FBXO22: variants seen among roughly 807,000 people sequenced by gnomAD.
FBXO22 encodes the protein F-box protein 22.
Under a neutral mutation model 37.2 loss-of-function variants are expected in FBXO22, and 13 were observed. That is an observed-to-expected ratio of 0.35 (90% CI 0.23 to 0.56). The LOEUF is 0.56. Among genes scored for constraint, FBXO22 ranks in the 20% least tolerant of loss-of-function variants. The probability of loss-of-function intolerance (pLI) is 0.87; values close to 1 mark genes in which losing one functional copy is unlikely to be tolerated. For missense variants in FBXO22, 446 were observed against 509.9 expected (o/e 0.87, Z 1.21); for synonymous variants, 189 against 189.1 (o/e 1.00, Z 0.00).
At chr15:75,926,145 C>G (rs1256498663) in intron 5 of FBXO22, among the ~76,000 whole-genome samples, 3 of 152,192 alleles carry the variant, frequency 2.0e-5, no homozygotes, top group Admixed American at 6.5e-5. Context: ...TAAGCTCCTG[C>G]TAATGTATCA....
intron 6 of FBXO22, chr15:75,930,900 GTTATAGTCTCTC>G (rs1343721774): frequency 1.0e-6 from 1 of 956,452 alleles, no homozygotes; most frequent in African/African-American, 1.8e-5. Context: ...AGTCATCCTA[GTTATAGTCTCTC>G]TTCTGGTTAT....
intron 6 of FBXO22, 110 bp downstream of exon 6, chr15:75,930,159 A>C: frequency 6.4e-7 from 1 of 1,562,782 alleles, no homozygotes; most frequent in Non-Finnish European, 8.7e-7. Flanking sequence ...TTATTAAGAT[A>C]ATAGTTCATT....
chr15:75,934,247 T>C lies in FBXO22; in HGVS notation c.*1145T>C, dbSNP rs1191437946. On this transcript the variant is annotated 3_prime_UTR_variant, in exon 7 of 7. Coordinates refer to ENST00000308275, the MANE Select transcript of FBXO22 (RefSeq NM_147188.3). ...GGAATGTGGATCTGGTAGTGAGCCA[T>C]CTTGGACCCTGAAGAGGAGGCAACA... The C allele has an allele frequency of 1.3e-5, 2 of 152,246 alleles. No homozygotes were observed. The highest frequency in any genetic ancestry group is 2.4e-5 in the African/African-American group (1 of 41,438). The allele number at this position is 152,246 out of a possible 1,614,324, so 9.4% of individuals were successfully genotyped here.
At position 75,904,051 on chromosome 15, in the gene FBXO22, G is replaced by A. The variant is rs758445817; in HGVS notation, c.88G>A (p.Val30Met). 1 of 1,560,304 alleles carries A rather than the reference G, an allele frequency of 6.4e-7. No homozygotes were observed. Among genetic ancestry groups the A allele is most frequent in the East Asian group, 2.4e-5 (1 of 42,154 alleles). Residue 30 changes from valine (V) to methionine (M), a missense_variant, in exon 1 of 7, where the codon GTG becomes ATG. Val to Met is a conservative substitution (Grantham distance 21). Around this residue, in one of 2 missense-constraint regions of FBXO22, gnomAD observed 131 missense variants for 99.8 expected, o/e 1.31. Transcript: ENST00000308275. Reference protein sequence around the residue: ...TFVLSNLAEVVERVLTFLPAK... With the variant: ...TFVLSNLAEVMERVLTFLPAK... ...CGTGTTGAGTAACCTGGCGGAGGTG[G>A]TGGAGCGTGTGCTCACCTTCCTGCC...
intron 6 of FBXO22, chr15:75,930,894 A>T (rs1015808510): frequency 1.0e-6 from 1 of 963,474 alleles, no homozygotes; most frequent in Non-Finnish European, 1.2e-6. Flanking sequence ...AATGTAAGTC[A>T]TCCTAGTTAT....
In FBXO22 at chr15:75,938,886, AAAG is replaced by A. The variant is rs2030653134; in HGVS notation, c.*5790_*5792del. On this transcript the variant is annotated 3_prime_UTR_variant, in exon 7 of 7. Coordinates refer to ENST00000308275, the MANE Select transcript of FBXO22 (RefSeq NM_147188.3). Reference sequence around the variant, plus strand: ...AAACAAAACACTCAACCAATGGGTCAAAGAAGAAATCACAAGGGAAATTAAAAA... The same window carrying A: ...AAACAAAACACTCAACCAATGGGTCAAAGAAATCACAAGGGAAATTAAAAA... 1 of 152,210 alleles carries A rather than the reference AAAG, an allele frequency of 6.6e-6. No homozygotes were observed. The highest frequency in any genetic ancestry group is 2.4e-5 in the African/African-American group (1 of 41,454). The allele number at this position is 152,210 out of a possible 1,614,324, so 9.4% of individuals were successfully genotyped here. A position where few individuals can be genotyped will look rare whatever the true frequency, so the allele number is the denominator to read the frequency against.
At chr15:75,908,026 G>A (rs372921927) in intron 2 of FBXO22, among the ~76,000 whole-genome samples, 1 of 152,126 alleles carries the variant, frequency 6.6e-6, no homozygotes, top group African/African-American at 2.4e-5. Flanking sequence ...AGTGGAATGT[G>A]GTGTCAGCTG....
intron 4 of FBXO22, 123 bp from the exon 5 acceptor site, chr15:75,917,107 C>T: frequency 1.4e-6 from 1 of 708,044 alleles, no homozygotes; most frequent in Non-Finnish European, 2.4e-6. Context: ...CTAAAACTGT[C>T]AAAGCTGAAA....
chr15:75,937,658 G>A lies in FBXO22; in HGVS notation c.*4556G>A, dbSNP rs945557444. On this transcript the variant is annotated 3_prime_UTR_variant, in exon 7 of 7. Coordinates refer to ENST00000308275, the MANE Select transcript of FBXO22 (RefSeq NM_147188.3). ...TGTGACTTTTTAGTGGCTCTTGCCC[G>A]AGCCTCTCCCTACATTGTGGCAGTC... is the stretch of plus-strand genomic sequence containing the variant. 30 of 152,072 alleles carry A rather than the reference G, an allele frequency of 2.0e-4. No homozygotes were observed. The highest frequency in any genetic ancestry group is 7.0e-4 in the African/African-American group (29 of 41,412). 9.4% of individuals were successfully genotyped at this position (152,072 alleles called of 1,614,324 possible).
At position 75,903,902 on chromosome 15, in the gene FBXO22, A is replaced by G. The variant is rs1899851651; in HGVS notation, c.-62A>G. 13 of 1,434,126 alleles carry G rather than the reference A, an allele frequency of 9.1e-6. No homozygotes were observed. The highest frequency in any genetic ancestry group is 1.4e-5 in the African/African-American group (1 of 69,710). The allele number at this position is 1,434,126 out of a possible 1,614,324, so 88.8% of individuals were successfully genotyped here. A position where few individuals can be genotyped will look rare whatever the true frequency, so the allele number is the denominator to read the frequency against. On this transcript the variant is annotated 5_prime_UTR_variant, in exon 1 of 7. An upstream start codon of the reference 5' UTR is lost. Transcript: ENST00000308275. Reference sequence around the variant, plus strand: ...CAGTGCGCGCCGGCCGGGCAACCCTATGCTGGCGTAATCGGGTTCCTCCGA... The same window carrying G: ...CAGTGCGCGCCGGCCGGGCAACCCTGTGCTGGCGTAATCGGGTTCCTCCGA...
In FBXO22 at chr15:75,934,748, G is replaced by A. The variant is rs2030204439; in HGVS notation, c.*1646G>A. ...AAAATACCTCAAAATTTTAGTCCTT[G>A]AATGTGCTCATATAGCCCATAAGGC... On this transcript the variant is annotated 3_prime_UTR_variant, in exon 7 of 7. Coordinates refer to ENST00000308275, the MANE Select transcript of FBXO22 (RefSeq NM_147188.3). The A allele has an allele frequency of 6.6e-6, 1 of 152,126 alleles. No homozygotes were observed. Among genetic ancestry groups the A allele is most frequent in the Non-Finnish European group, 1.5e-5 (1 of 68,016 alleles). 9.4% of individuals were successfully genotyped at this position (152,126 alleles called of 1,614,324 possible).
intron 2 of FBXO22, among the ~76,000 whole-genome samples, chr15:75,907,525 G>A (rs1218969792): frequency 2.0e-5 from 3 of 152,070 alleles, no homozygotes; most frequent in African/African-American, 7.2e-5. Flanking sequence ...CTGTTTATTT[G>A]TGTTTTCCAA....
In FBXO22 at chr15:75,935,520, C is replaced by T. The variant is rs900497850; in HGVS notation, c.*2418C>T. ...AAGGCTTAAGCAAGGAATATATTTCCATGCCCTTTGATCCAAGTAAAATCT... is the reference window on the plus strand; with the variant it reads ...AAGGCTTAAGCAAGGAATATATTTCTATGCCCTTTGATCCAAGTAAAATCT... On this transcript the variant is annotated 3_prime_UTR_variant, in exon 7 of 7. Coordinates refer to ENST00000308275, the MANE Select transcript of FBXO22 (RefSeq NM_147188.3). 6.6e-6 allele frequency: 1 copy of T among 151,712 alleles called. No individual in the cohort carries two copies. The highest frequency in any genetic ancestry group is 2.4e-5 in the African/African-American group (1 of 41,244). 9.4% of individuals were successfully genotyped at this position (151,712 alleles called of 1,614,324 possible).
chr15:75,919,705 G>A (rs1419299149), intron 5 of FBXO22, among the ~76,000 whole-genome samples: 1 of 152,214 alleles, frequency 6.6e-6, no homozygotes, highest in African/African-American at 2.4e-5. Context: ...GCTTTACTGT[G>A]TGTCACATGG....
intron 2 of FBXO22, among the ~76,000 whole-genome samples, chr15:75,906,358 C>T (rs1899929374): frequency 6.6e-6 from 1 of 151,758 alleles, no homozygotes; most frequent in Non-Finnish European, 1.5e-5. Context: ...GTCATTAGAG[C>T]CAAGGAATAT....
intron 1 of FBXO22, 139 bp from the exon 2 acceptor site, chr15:75,904,352 G>C (rs1899871756): frequency 7.6e-7 from 1 of 1,315,254 alleles, no homozygotes; most frequent in Non-Finnish European, 1.1e-6. Context: ...CTAGCGCCCT[G>C]ACTGACACCT....
chr15:75,904,294 G>A (rs758086588), intron 1 of FBXO22, 191 bp downstream of exon 1: 82 of 1,088,414 alleles, frequency 7.5e-5, no homozygotes, highest in Non-Finnish European at 1.0e-4. Flanking sequence ...TTCCCTGAGG[G>A]GCGAAGTTCC....
intron 5 of FBXO22, among the ~76,000 whole-genome samples, chr15:75,918,696 A>G (rs1900246552): frequency 1.3e-5 from 2 of 152,212 alleles, no homozygotes; most frequent in Admixed American, 6.5e-5. Flanking sequence ...TGTCATTTGC[A>G]CCAGCATGGA....
chr15:75,933,302 G>A lies in FBXO22; in HGVS notation c.*200G>A. ...ACTTTGGACATAACACTGACTAGGA[G>A]TTGAGAGCTTTTGCATCAGGCAGAA... On this transcript the variant is annotated 3_prime_UTR_variant, in exon 7 of 7. Coordinates refer to ENST00000308275, the MANE Select transcript of FBXO22 (RefSeq NM_147188.3). The A allele has an allele frequency of 1.9e-6, 1 of 533,844 alleles. No homozygotes were observed. Among genetic ancestry groups the A allele is most frequent in the Non-Finnish European group, 3.3e-6 (1 of 305,114 alleles). The allele number at this position is 533,844 out of a possible 1,614,324, so 33.1% of individuals were successfully genotyped here.
Sources: gnomAD v4.1 joint callset for allele counts (sites outside exome capture counted in the v4.1 genomes callset) on GRCh38, gnomAD v4.1.1 for gene constraint, gnomAD v4.1.1 regional missense constraint, MANE v1.5 for transcripts, NCBI Gene and HGNC (gene_info 2026-07-23, HGNC 2026-07-21) for gene names.